The following UGT1A4 variants were observed in gnomAD, a reference collection of about 807,000 sequenced individuals.
UGT1A4 encodes the protein UDP-glucuronosyltransferase 1A4.
UGT1A4 carries 32 observed loss-of-function variants against 41.1 expected under a neutral mutation model. The observed-to-expected ratio is 0.78, with a 90% CI of 0.59 to 1.05. The LOEUF (loss-of-function observed/expected upper bound fraction) is 1.05. Ranked by LOEUF, UGT1A4 falls within the 50% of genes least tolerant of loss-of-function variation. The pLI is 0.00. For synonymous variants in UGT1A4, 283 were observed against 265.1 expected, an observed-to-expected ratio of 1.07 and a Z score of -0.66; for missense variants, 748 against 677.4, an observed-to-expected ratio of 1.10 and a Z score of -1.16.
intron 1 of UGT1A4, chr2:233,729,060 A>T: frequency 1.9e-6 from 3 of 1,610,660 alleles, no homozygotes; most frequent in Non-Finnish European, 2.5e-6. Context: ...GGTAATTAAG[A>T]TGAAGAAAGC....
At chr2:233,763,486 T>C (rs771875689) in intron 1 of UGT1A4, among the ~76,000 whole-genome samples, 1 of 152,218 alleles carries the variant, frequency 6.6e-6, no homozygotes, top group Non-Finnish European at 1.5e-5. Flanking sequence ...TGATTGTAAC[T>C]CTCTCAGTTT....
intron 1 of UGT1A4, chr2:233,721,745 AATCTAC>A: frequency 2.3e-6 from 1 of 440,284 alleles, no homozygotes; most frequent in Non-Finnish European, 4.5e-6. Flanking sequence ...ATGATGAGAG[AATCTAC>A]ATCTAAATTG....
rs1700550543 is a variant in UGT1A4, at chr2:233,772,835, G to A, written c.*276G>A. ...GACGTGCAGACAGGCTGGCATTCTA[G>A]ATTACTTTTCTTACTCTGAAACATG... On this transcript the variant is annotated 3_prime_UTR_variant, in exon 5 of 5. Transcript: ENST00000373409. 1.1e-6 allele frequency: 1 copy of A among 887,832 alleles called. No individual in the cohort carries two copies. Among genetic ancestry groups the A allele is most frequent in the Non-Finnish European group, 1.6e-6 (1 of 638,112 alleles). The allele number at this position is 887,832 out of a possible 1,614,324, so 55.0% of individuals were successfully genotyped here. A position where few individuals can be genotyped will look rare whatever the true frequency, so the allele number is the denominator to read the frequency against.
At chr2:233,720,438 T>C (rs553453091) in intron 1 of UGT1A4, among the ~76,000 whole-genome samples, 3 of 152,172 alleles carry the variant, frequency 2.0e-5, no homozygotes, top group African/African-American at 7.2e-5. Context: ...ACCGTGAATC[T>C]ATAAGCCCAG....
intron 1 of UGT1A4, chr2:233,729,458 T>G: frequency 6.2e-7 from 1 of 1,614,110 alleles, no homozygotes; most frequent in Non-Finnish European, 8.5e-7. Flanking sequence ...AAGAAATTTT[T>G]CAGAAGTATG....
chr2:233,751,532 C>A (rs1375355946), intron 1 of UGT1A4, among the ~76,000 whole-genome samples: 5 of 152,214 alleles, frequency 3.3e-5, no homozygotes, highest in Admixed American at 6.5e-5. Context: ...TATGGTTTGA[C>A]TCTGTGTTTC....
chr2:233,772,888 G>C lies in UGT1A4; in HGVS notation c.*329G>C. 3.7e-6 allele frequency: 2 copies of C among 534,950 alleles called. No individual in the cohort carries two copies. Among genetic ancestry groups the C allele is most frequent in the Admixed American group, 3.7e-5 (1 of 26,668 alleles). The allele number at this position is 534,950 out of a possible 1,614,324, so 33.1% of individuals were successfully genotyped here. ...CTGTTTGGGAGTGCGGGATTCAAAGGTGGTCCCACGGCTGCCCCTACTGCA... is the reference window on the plus strand; with the variant it reads ...CTGTTTGGGAGTGCGGGATTCAAAGCTGGTCCCACGGCTGCCCCTACTGCA... On this transcript the variant is annotated 3_prime_UTR_variant, in exon 5 of 5. Coordinates refer to ENST00000373409, the MANE Select transcript of UGT1A4 (RefSeq NM_007120.3).
chr2:233,729,641 T>C (rs2077899258), intron 1 of UGT1A4: 1 of 1,613,944 alleles, frequency 6.2e-7, no homozygotes, highest in Non-Finnish European at 8.5e-7. Flanking sequence ...ACTGTGTTTT[T>C]TTTGAGGAAC....
intron 1 of UGT1A4, among the ~76,000 whole-genome samples, chr2:233,766,662 C>T (rs911110190): frequency 3.9e-5 from 6 of 152,180 alleles, no homozygotes; most frequent in Non-Finnish European, 8.8e-5. Flanking sequence ...GGACCACGCC[C>T]TTCCCAGCTC....
intron 1 of UGT1A4, among the ~76,000 whole-genome samples, chr2:233,758,968 C>T (rs1224363949): frequency 6.6e-6 from 1 of 152,170 alleles, no homozygotes; most frequent in Non-Finnish European, 1.5e-5. Context: ...AATGCCTTTC[C>T]CCTGGATCTT....
intron 1 of UGT1A4, among the ~76,000 whole-genome samples, chr2:233,756,690 C>T (rs1266086020): frequency 6.6e-6 from 1 of 152,102 alleles, no homozygotes; most frequent in Non-Finnish European, 1.5e-5. Flanking sequence ...TATATAATGA[C>T]GATGAATTTT....
intron 1 of UGT1A4, among the ~76,000 whole-genome samples, chr2:233,758,687 A>G (rs1165998608): frequency 6.6e-5 from 10 of 152,210 alleles, no homozygotes; most frequent in Non-Finnish European, 1.5e-4. Flanking sequence ...CCCATAGGAC[A>G]CCAAAACTCT....
chr2:233,728,258 A>G (rs1381126845), intron 1 of UGT1A4, among the ~76,000 whole-genome samples: 1 of 152,204 alleles, frequency 6.6e-6, no homozygotes, highest in East Asian at 1.9e-4. Flanking sequence ...GATGACTGAA[A>G]TAAAGACTGG....
intron 1 of UGT1A4, among the ~76,000 whole-genome samples, chr2:233,742,305 A>G (rs1353036304): frequency 6.6e-6 from 1 of 152,010 alleles, no homozygotes; most frequent in African/African-American, 2.4e-5. Context: ...AGATTAACTA[A>G]AAGTATTCCT....
rs761217423 is a variant in UGT1A4, at chr2:233,719,665, C to A, written c.845C>A (p.Ala282Asp). 6.2e-7 allele frequency: 1 copy of A among 1,614,054 alleles called. No homozygotes were observed. The highest frequency in any genetic ancestry group is 2.2e-5 in the East Asian group (1 of 44,886). The change falls in exon 1 of 5, where the codon GCC (alanine) becomes GAC (aspartate). Residue 282 changes from alanine (A) to aspartate (D), a missense_variant. Physicochemically the swap from Ala to Asp is moderately radical, Grantham distance 126. Transcript: ENST00000373409. Reference protein sequence around the residue: ...NMVFIGGINCANGKPLSQEFE... With the variant: ...NMVFIGGINCDNGKPLSQEFE... ...GTCTTCATTGGGGGCATCAACTGTG[C>A]CAACGGGAAGCCACTATCTCAGGTC... is the stretch of plus-strand genomic sequence containing the variant.
chr2:233,746,051 G>T (rs1270238597), intron 1 of UGT1A4, among the ~76,000 whole-genome samples: 3 of 151,680 alleles, frequency 2.0e-5, no homozygotes, highest in Non-Finnish European at 2.9e-5. Flanking sequence ...TGGATGCAGG[G>T]TCTAGAACGA....
intron 1 of UGT1A4, among the ~76,000 whole-genome samples, chr2:233,732,141 T>G (rs532123817): frequency 9.3e-4 from 141 of 151,992 alleles, no homozygotes; most frequent in African/African-American, 3.3e-3. Flanking sequence ...TGTTTGTTTG[T>G]TTTTTTTCTT....
chr2:233,722,324 C>T (rs1239720305), intron 1 of UGT1A4, among the ~76,000 whole-genome samples: 1 of 152,060 alleles, frequency 6.6e-6, no homozygotes, highest in Non-Finnish European at 1.5e-5. Flanking sequence ...GTTTGGTTGA[C>T]CCTTAGATTT....
At chr2:233,743,869 G>C (rs763783144) in intron 1 of UGT1A4, 3 of 1,367,140 alleles carry the variant, frequency 2.2e-6, no homozygotes, top group Non-Finnish European at 2.9e-6. Context: ...TGATGGCCTC[G>C]GATGAGGCCT....
Sources: allele counts gnomAD v4.1 joint callset (sites outside exome capture counted in the v4.1 genomes callset), GRCh38; gene constraint gnomAD v4.1.1; transcripts MANE v1.5; gene names NCBI Gene and HGNC (gene_info 2026-07-23, HGNC 2026-07-21).